CENPP: variants seen among roughly 807,000 people sequenced by gnomAD.
CENPP encodes centromere protein P.
CENPP carries 24 observed loss-of-function variants against 35.6 expected under a neutral mutation model. That is an observed-to-expected ratio of 0.67 (90% CI 0.49 to 0.95). The LOEUF (loss-of-function observed/expected upper bound fraction) is 0.95, where lower values mean the gene tolerates loss of function less well. Among genes scored for constraint, CENPP ranks in the 40% least tolerant of loss-of-function variants. CENPP has a pLI of 0.00. For missense variants in CENPP, 332 were observed against 345.3 expected (o/e 0.96, Z 0.31); for synonymous variants, 120 against 125.5 (o/e 0.96, Z 0.29).
At position 92,615,872 on chromosome 9, in the gene CENPP, T is replaced by C. The variant is rs1317818779; in HGVS notation, c.*2723T>C. On this transcript the variant is annotated 3_prime_UTR_variant, in exon 8 of 8. Transcript: ENST00000375587. The stretch of plus-strand genomic sequence containing the variant: ...AACTAATGTGCAATCTTCGCTTTCC[T>C]TGAACCGAGTCGACATCACGGCGTT... 6.2e-7 allele frequency: 1 copy of C among 1,614,186 alleles called. No individual in the cohort carries two copies. Among genetic ancestry groups the C allele is most frequent in the Non-Finnish European group, 8.5e-7 (1 of 1,180,008 alleles).
intron 5 of CENPP, chr9:92,470,806 A>G (rs1208738341): frequency 3.9e-6 from 5 of 1,289,876 alleles, no homozygotes; most frequent in Admixed American, 2.3e-5. Context: ...AACATATTAT[A>G]TAATAGAGAA....
chr9:92,469,568 T>C (rs1845434592), intron 5 of CENPP, among the ~76,000 whole-genome samples: 2 of 152,192 alleles, frequency 1.3e-5, no homozygotes, highest in Admixed American at 6.5e-5. Flanking sequence ...AATATTGTTA[T>C]GGTATTTTCT....
At chr9:92,403,792 C>T (rs184934216) in intron 5 of CENPP, 29 of 519,076 alleles carry the variant, frequency 5.6e-5, no homozygotes, top group East Asian at 4.4e-4. Context: ...AAAATAAAGT[C>T]CCAAGATCCT....
chr9:92,379,089 A>AAACACTAT (rs566014244), intron 4 of CENPP, among the ~76,000 whole-genome samples: 4 of 152,242 alleles, frequency 2.6e-5, no homozygotes, highest in Non-Finnish European at 4.4e-5. Flanking sequence ...AACGTACTGA[A>AAACACTAT]AACACTATAC....
chr9:92,337,329 AAAG>A (rs1036067939), intron 2 of CENPP, among the ~76,000 whole-genome samples: 8 of 152,184 alleles, frequency 5.3e-5, no homozygotes, highest in Non-Finnish European at 1.0e-4. Flanking sequence ...GAAAAAAAAA[AAAG>A]AAAACTAGAA....
At chr9:92,432,454 G>A (rs527663011) in intron 5 of CENPP, among the ~76,000 whole-genome samples, 3 of 152,070 alleles carry the variant, frequency 2.0e-5, no homozygotes, top group South Asian at 2.1e-4. Flanking sequence ...TTTATTGTTC[G>A]GTCTTTCTCC....
At chr9:92,416,194 G>A (rs1328354691) in intron 5 of CENPP, among the ~76,000 whole-genome samples, 1 of 150,990 alleles carries the variant, frequency 6.6e-6, no homozygotes, top group African/African-American at 2.4e-5. Context: ...CCGATTCCTG[G>A]GTTCAAGCAA....
intron 5 of CENPP, among the ~76,000 whole-genome samples, chr9:92,516,072 T>TCCCCCCC (rs76297691): frequency 7.2e-6 from 1 of 139,694 alleles, no homozygotes; most frequent in Admixed American, 7.0e-5. Context: ...TACTTTTTTT[T>TCCCCCCC]CCCCCCCCCG....
chr9:92,604,795 T>C (rs1406490638), intron 5 of CENPP, among the ~76,000 whole-genome samples: 1 of 152,086 alleles, frequency 6.6e-6, no homozygotes, highest in Non-Finnish European at 1.5e-5. Context: ...GGTTTTACTA[T>C]GTTGGCCAGG....
chr9:92,412,676 A>G (rs1843476917), intron 5 of CENPP, among the ~76,000 whole-genome samples: 1 of 152,178 alleles, frequency 6.6e-6, no homozygotes, highest in African/African-American at 2.4e-5. Context: ...ATGTTGTAGC[A>G]TATGTCAGTG....
At chr9:92,544,267 A>G (rs1849379189) in intron 5 of CENPP, among the ~76,000 whole-genome samples, 2 of 152,272 alleles carry the variant, frequency 1.3e-5, no homozygotes, top group African/African-American at 2.4e-5. Flanking sequence ...CTTGAGGTCA[A>G]GAGTTCAAGG....
chr9:92,513,992 T>C (rs1425472971), intron 5 of CENPP, among the ~76,000 whole-genome samples: 1 of 152,230 alleles, frequency 6.6e-6, no homozygotes, highest in Non-Finnish European at 1.5e-5. Flanking sequence ...TATACCTAAC[T>C]GCTATTCTGC....
chr9:92,421,434 C>T (rs1472506369), intron 5 of CENPP, among the ~76,000 whole-genome samples: 1 of 152,214 alleles, frequency 6.6e-6, no homozygotes, highest in African/African-American at 2.4e-5. Flanking sequence ...TTTCACACTA[C>T]AGTCAGTGTT....
intron 5 of CENPP, among the ~76,000 whole-genome samples, chr9:92,589,119 C>T (rs941657530): frequency 3.3e-5 from 5 of 151,484 alleles, no homozygotes; most frequent in South Asian, 2.1e-4. Flanking sequence ...CCTGAGCCCA[C>T]GAGTTCAAGA....
At chr9:92,457,105 T>C in intron 5 of CENPP, 3 of 1,397,294 alleles carry the variant, frequency 2.1e-6, no homozygotes, top group South Asian at 1.7e-5. Flanking sequence ...TCAACCCTTA[T>C]GTATCAATAG....
At chr9:92,519,264 C>T (rs1280406308) in intron 5 of CENPP, among the ~76,000 whole-genome samples, 1 of 152,180 alleles carries the variant, frequency 6.6e-6, no homozygotes, top group Non-Finnish European at 1.5e-5. Flanking sequence ...ATCAAAAGCA[C>T]TACACTCTAT....
At chr9:92,505,485 A>G in intron 5 of CENPP, 4 of 1,456,078 alleles carry the variant, frequency 2.7e-6, no homozygotes, top group Non-Finnish European at 3.8e-6. Flanking sequence ...GTAGTGTACC[A>G]TATTTCAAAT....
intron 5 of CENPP, among the ~76,000 whole-genome samples, chr9:92,423,165 T>C (rs752580345): frequency 3.3e-5 from 5 of 152,214 alleles, no homozygotes; most frequent in Non-Finnish European, 5.9e-5. Context: ...TTCTATTGAA[T>C]ATTTCTTCAT....
At chr9:92,588,760 G>A (rs545143310) in intron 5 of CENPP, among the ~76,000 whole-genome samples, 1 of 152,254 alleles carries the variant, frequency 6.6e-6, no homozygotes, top group South Asian at 2.1e-4. Flanking sequence ...ATCAAGTGCA[G>A]GTGAGAATGT....
Sources: gnomAD v4.1 joint callset for allele counts (sites outside exome capture counted in the v4.1 genomes callset) on GRCh38, gnomAD v4.1.1 for gene constraint, MANE v1.5 for transcripts, NCBI Gene and HGNC (gene_info 2026-07-23, HGNC 2026-07-21) for gene names.